Variants in RAPH1 observed in about 807,000 individuals in gnomAD.
The protein encoded by RAPH1 is ras-associated and pleckstrin homology domains-containing protein 1.
Under a neutral mutation model 88.1 loss-of-function variants are expected in RAPH1, and 18 were observed. The observed-to-expected ratio is 0.20, with a 90% CI of 0.14 to 0.30. The LOEUF (loss-of-function observed/expected upper bound fraction) is 0.30, where lower values mean the gene tolerates loss of function less well. Ranked by LOEUF, RAPH1 falls within the 10% of genes least tolerant of loss-of-function variation. The pLI is 1.00. For missense variants in RAPH1, 1,448 were observed against 1,543.2 expected, an observed-to-expected ratio of 0.94 and a Z score of 1.03; for synonymous variants, 587 against 559.0, an observed-to-expected ratio of 1.05 and a Z score of -0.71.
chr2:203,518,957 G>C (rs1559502316), intron 1 of RAPH1, among the ~76,000 whole-genome samples: 1 of 152,114 alleles, frequency 6.6e-6, no homozygotes, highest in Admixed American at 6.5e-5. Flanking sequence ...ACTCAAACAA[G>C]AATAGACAAT....
At chr2:203,525,739 T>C (rs1051182425) in intron 1 of RAPH1, among the ~76,000 whole-genome samples, 2 of 152,126 alleles carry the variant, frequency 1.3e-5, no homozygotes, top group Non-Finnish European at 2.9e-5. Flanking sequence ...ATTGGGCCAC[T>C]GCACTCCAGC....
intron 4 of RAPH1, among the ~76,000 whole-genome samples, chr2:203,486,363 T>G (rs1464032400): frequency 6.6e-6 from 1 of 152,116 alleles, no homozygotes; most frequent in Admixed American, 6.5e-5. Context: ...ATATAAACAC[T>G]GAATATGAGC....
Position 203,535,219 on chromosome 2 carries a change from G to A in RAPH1, c.-109C>T, listed in dbSNP as rs1351818622. The A allele has an allele frequency of 1.3e-5, 2 of 152,280 alleles. No individual in the cohort carries two copies. The highest frequency in any genetic ancestry group is 2.9e-5 in the Non-Finnish European group (2 of 68,126). 9.4% of individuals were successfully genotyped at this position (152,280 alleles called of 1,614,324 possible). A position where few individuals can be genotyped will look rare whatever the true frequency, so the allele number is the denominator to read the frequency against. ...CCAGGCGCGGCGCTCCCTCGCCAGA[G>A]ACGCAGCGACTGCCAGCAGCTCCCG... On this transcript the variant is annotated 5_prime_UTR_variant, in exon 1 of 14. Transcript: ENST00000319170.
In RAPH1 at chr2:203,480,155, T is replaced by C. The variant is rs930392623; in HGVS notation, c.732+9429A>G. ...CCACAAATCTCTGCAAAGTAAGTTATGAATCACTACTTTCTTGAACTGAAT... is the reference window on the plus strand; with the variant it reads ...CCACAAATCTCTGCAAAGTAAGTTACGAATCACTACTTTCTTGAACTGAAT... On this transcript the variant is annotated intron_variant, in intron 4 of 13. Coordinates refer to ENST00000319170, the MANE Select transcript of RAPH1 (RefSeq NM_213589.3). Among the ~76,000 whole-genome samples, 5 of 152,246 alleles carry C rather than the reference T, an allele frequency of 3.3e-5. No individual in the cohort carries two copies. In the East Asian group the frequency reaches 9.6e-4, roughly 29 times the overall value.
rs1017064040 is a variant in RAPH1, at chr2:203,436,492, G to C, written c.*2945C>G. ...ACCATAAGTTATTTTACTGAGAATA[G>C]ATTCTGCTGCCCTACAGCATTGGTG... On this transcript the variant is annotated 3_prime_UTR_variant, in exon 14 of 14. Transcript: ENST00000319170. The C allele has an allele frequency of 1.3e-5, 2 of 152,224 alleles. No individual in the cohort carries two copies. Among genetic ancestry groups the C allele is most frequent in the African/African-American group, 4.8e-5 (2 of 41,458 alleles). 9.4% of individuals were successfully genotyped at this position (152,224 alleles called of 1,614,324 possible).
intron 1 of RAPH1, among the ~76,000 whole-genome samples, chr2:203,506,864 A>C (rs374462522): frequency 0.11 from 3,293 of 30,452 alleles, 607 homozygotes; most frequent in African/African-American, 0.27. Flanking sequence ...ATCTATATAT[A>C]TATATATATA....
At position 203,491,075 on chromosome 2, in the gene RAPH1, A is replaced by G. The variant is rs1282100858; in HGVS notation, c.226+139T>C. 9.4e-6 allele frequency: 5 copies of G among 529,638 alleles called. No individual in the cohort carries two copies. In the East Asian group the frequency reaches 9.7e-5, roughly 10 times the overall value. 32.8% of individuals were successfully genotyped at this position (529,638 alleles called of 1,614,324 possible). ...AAAAAAAAAAAGAAAAAAGAAAAGA[A>G]AAAAGAAATTTAAGAACTTGGTCGA... On this transcript the variant is annotated intron_variant, in intron 3 of 13. Transcript: ENST00000319170.
At position 203,439,361 on chromosome 2, in the gene RAPH1, CCT is replaced by C; in HGVS notation, c.*74_*75del. 7.0e-7 allele frequency: 1 copy of C among 1,428,014 alleles called. No homozygotes were observed. The highest frequency in any genetic ancestry group is 9.7e-7 in the Non-Finnish European group (1 of 1,032,522). The allele number at this position is 1,428,014 out of a possible 1,614,324, so 88.5% of individuals were successfully genotyped here. On this transcript the variant is annotated 3_prime_UTR_variant, in exon 14 of 14. Transcript: ENST00000319170. ...ACATCATACCAGGAGGCTCTGAACA[CCT>C]GAATTCACAGATGATCAGGTGAGCT...
rs2098522542 is a variant in RAPH1, at chr2:203,459,350, C to T, written c.1092+557G>A. 3.3e-5 allele frequency among the ~76,000 whole-genome samples: 5 copies of T among 152,130 alleles called. No individual in the cohort carries two copies. The South Asian group carries it at 1.0e-3, about 31-fold the overall frequency. On this transcript the variant is annotated intron_variant, in intron 7 of 13. Coordinates refer to ENST00000319170, the MANE Select transcript of RAPH1 (RefSeq NM_213589.3). Reference sequence around the variant, plus strand: ...ACTTTTTATTGTGGAGTTGTTTTCCCTCACCTACTGAATTTTGTAAAATGT... The same window carrying T: ...ACTTTTTATTGTGGAGTTGTTTTCCTTCACCTACTGAATTTTGTAAAATGT...
At chr2:203,522,720 C>A (rs565157050) in intron 1 of RAPH1, among the ~76,000 whole-genome samples, 2 of 151,398 alleles carry the variant, frequency 1.3e-5, no homozygotes, top group Non-Finnish European at 2.9e-5. Context: ...TGGCCAACAT[C>A]GTGAAACCTC....
chr2:203,510,460 T>C lies in RAPH1; in HGVS notation c.1-15107A>G, dbSNP rs547496005. Among the ~76,000 whole-genome samples, 19 of 148,666 alleles carry C rather than the reference T, an allele frequency of 1.3e-4. No homozygotes were observed. The South Asian group carries it at 2.8e-3, about 22-fold the overall frequency. ...TAAAGAAGCCAGAGGATTAAGAGAA[T>C]AGAAATGGGAAAAAGGATGCTCTGC... On this transcript the variant is annotated intron_variant, in intron 1 of 13. Coordinates refer to ENST00000319170, the MANE Select transcript of RAPH1 (RefSeq NM_213589.3).
intron 1 of RAPH1, among the ~76,000 whole-genome samples, chr2:203,508,221 C>CAAAAAAAAAA (rs768340713): frequency 1.7e-5 from 1 of 58,578 alleles, no homozygotes; most frequent in African/African-American, 5.2e-5. Context: ...GACTCTGTCT[C>CAAAAAAAAAA]AAAAAAAAAA....
intron 1 of RAPH1, among the ~76,000 whole-genome samples, chr2:203,498,315 A>C (rs1274156383): frequency 6.6e-6 from 1 of 152,208 alleles, no homozygotes; most frequent in African/African-American, 2.4e-5. Context: ...TCTCCATAGT[A>C]AAAATGTGGT....
chr2:203,459,091 G>A (rs113796732), intron 7 of RAPH1, among the ~76,000 whole-genome samples: 13 of 151,960 alleles, frequency 8.6e-5, no homozygotes, highest in African/African-American at 3.1e-4. Flanking sequence ...GGATGGTCTC[G>A]ATCTCCTGAC....
In RAPH1 at chr2:203,444,941, C is replaced by G; in HGVS notation, c.1703G>C (p.Arg568Pro). 6.2e-7 allele frequency: 1 copy of G among 1,614,152 alleles called. No homozygotes were observed. ...TACGGAGCTCACAATGCTCTGGGAA[C>G]GGACGTGTCCTGCTGGCTGGGTGTC... is the stretch of plus-strand genomic sequence containing the variant. Reference protein sequence around the residue: ...VSDTQPAGHVRSQSIVSSVFS... With the variant: ...VSDTQPAGHVPSQSIVSSVFS... The change falls in exon 13 of 14, where the codon CGT becomes CCT. Residue 568 changes from arginine (R) to proline (P), a missense_variant. Physicochemically the swap from Arg to Pro is moderately radical, Grantham distance 103 (BLOSUM62 -2). Coordinates refer to ENST00000319170, the MANE Select transcript of RAPH1 (RefSeq NM_213589.3).
Position 203,439,123 on chromosome 2 carries a change from A to G in RAPH1, c.*314T>C. ...CATGATATAGAAATCTTAAGAGACA[A>G]CACACATCCCCTTCTATGCCTCTTC... On this transcript the variant is annotated 3_prime_UTR_variant, in exon 14 of 14. Coordinates refer to ENST00000319170, the MANE Select transcript of RAPH1 (RefSeq NM_213589.3). 3.7e-6 allele frequency: 1 copy of G among 268,782 alleles called. No individual in the cohort carries two copies. Among genetic ancestry groups the G allele is most frequent in the East Asian group, 6.7e-5 (1 of 14,896 alleles). The allele number at this position is 268,782 out of a possible 1,614,324, so 16.6% of individuals were successfully genotyped here. A position where few individuals can be genotyped will look rare whatever the true frequency, so the allele number is the denominator to read the frequency against.
chr2:203,447,720 ATAAC>A (rs2098511228), intron 12 of RAPH1: 1 of 306,502 alleles, frequency 3.3e-6, no homozygotes. Flanking sequence ...ATAAATATAA[ATAAC>A]AAAACTGGCT....
rs759376147 is a variant in RAPH1, at chr2:203,440,767, G to A, written c.2423C>T (p.Pro808Leu). The A allele has an allele frequency of 1.9e-6, 3 of 1,611,946 alleles. No homozygotes were observed. Among genetic ancestry groups the A allele is most frequent in the Non-Finnish European group, 2.5e-6 (3 of 1,179,276 alleles). ...VTQAAPPTPT[P>L]PVPPAKKQPA... ...CTGCTTTTTTGCTGGGGGCACTGGA[G>A]GAGTAGGTGTGGGTGGTGCAGCTTG... Residue 808 changes from proline to leucine, a missense_variant, in exon 14 of 14, where the codon CCT (proline) becomes CTT (leucine). By Grantham distance (98) the Pro-to-Leu change is moderately conservative. Around this residue, in one of 2 missense-constraint regions of RAPH1, gnomAD observed 935 missense variants for 890.1 expected, o/e 1.05. Coordinates refer to ENST00000319170, the MANE Select transcript of RAPH1 (RefSeq NM_213589.3).
At chr2:203,463,644 C>A (rs956209879) in intron 4 of RAPH1, among the ~76,000 whole-genome samples, 2 of 152,090 alleles carry the variant, frequency 1.3e-5, no homozygotes, top group Non-Finnish European at 2.9e-5. Flanking sequence ...CTCAATTAGG[C>A]AGAAAACAAA....
Sources: allele counts gnomAD v4.1 joint callset (sites outside exome capture counted in the v4.1 genomes callset), GRCh38; gene constraint gnomAD v4.1.1; regional missense constraint gnomAD v4.1.1; transcripts MANE v1.5; gene names NCBI Gene and HGNC (gene_info 2026-07-23, HGNC 2026-07-21).